CSPP1: variants seen among roughly 807,000 people sequenced by gnomAD.
CSPP1 encodes centrosome and spindle pole associated protein 1.
In CSPP1, 126 loss-of-function variants were observed where a neutral mutation model predicts 164.4. That is an observed-to-expected ratio of 0.77 (90% CI 0.66 to 0.89). CSPP1 has a LOEUF of 0.89. CSPP1 is among the 40% of genes least tolerant of loss of function. The pLI is 0.00. For missense variants in CSPP1, 1,395 were observed against 1,449.8 expected (o/e 0.96, Z 0.61); for synonymous variants, 472 against 476.7 (o/e 0.99, Z 0.13).
rs575429967 is a variant in CSPP1, at chr8:67,081,920, T to C, written c.200-4087T>C. On this transcript the variant is annotated intron_variant, in intron 3 of 30. Coordinates refer to ENST00000678616, the MANE Select transcript of CSPP1 (RefSeq NM_001382391.1). ...CCACCATGCCTAATTTTTAAATTTT[T>C]TGTAGAGATAGAGTCTTGGTATGTT... Among the ~76,000 whole-genome samples, 6 of 152,352 alleles carry C rather than the reference T, an allele frequency of 3.9e-5. No individual in the cohort carries two copies. The South Asian group carries it at 1.2e-3, about 32-fold the overall frequency.
Position 67,190,712 on chromosome 8 carries a change from C to T in CSPP1, c.3283C>T (p.Pro1095Ser). 6.2e-7 allele frequency: 1 copy of T among 1,614,114 alleles called. No homozygotes were observed. The highest frequency in any genetic ancestry group is 8.5e-7 in the Non-Finnish European group (1 of 1,179,992). ...CGTCCTCCCTCCACCATCACAGTTG[C>T]CCTCTGCACGGGAGCGCAGGAGGAA... The part of the protein sequence containing the change: ...DDVLPPPSQL[P>S]SARERRRNKW... The change falls in exon 29 of 31, where the codon CCC (proline) becomes TCC (serine). Residue 1095 changes from proline to serine, a missense_variant. Transcript: ENST00000678616.
chr8:67,088,069 A>G (rs1810769923), intron 4 of CSPP1, among the ~76,000 whole-genome samples: 1 of 152,146 alleles, frequency 6.6e-6, no homozygotes, highest in Non-Finnish European at 1.5e-5. Flanking sequence ...CCCTGGGCTT[A>G]TACCTCATTA....
intron 7 of CSPP1, among the ~76,000 whole-genome samples, chr8:67,099,078 C>T (rs938619884): frequency 6.6e-6 from 1 of 151,142 alleles, no homozygotes; most frequent in African/African-American, 2.4e-5. Flanking sequence ...GTTGTTGACT[C>T]TTGTCTTCAA....
intron 26 of CSPP1, among the ~76,000 whole-genome samples, chr8:67,176,311 A>C (rs1427425550): frequency 6.6e-6 from 1 of 152,160 alleles, no homozygotes; most frequent in African/African-American, 2.4e-5. Context: ...TTAAGACCCT[A>C]TCTTGGGAGG....
At chr8:67,191,332 T>C (rs1328119619) in intron 29 of CSPP1, among the ~76,000 whole-genome samples, 1 of 152,230 alleles carries the variant, frequency 6.6e-6, no homozygotes, top group African/African-American at 2.4e-5. Flanking sequence ...GACGTGAAGA[T>C]GCAGTTATAT....
At chr8:67,128,468 G>A (rs1820537502) in intron 15 of CSPP1, among the ~76,000 whole-genome samples, 1 of 151,530 alleles carries the variant, frequency 6.6e-6, no homozygotes, top group Admixed American at 6.6e-5. Context: ...GAACCTGAAA[G>A]GCAGAGGTTG....
intron 1 of CSPP1, among the ~76,000 whole-genome samples, chr8:67,067,964 C>T (rs551825997): frequency 9.3e-4 from 142 of 151,946 alleles, no homozygotes; most frequent in African/African-American, 3.2e-3. Context: ...ATTCTCCTGC[C>T]TCAGCCTCCT....
intron 28 of CSPP1, among the ~76,000 whole-genome samples, chr8:67,187,186 C>G (rs1260411669): frequency 6.6e-6 from 1 of 152,162 alleles, no homozygotes; most frequent in African/African-American, 2.4e-5. Flanking sequence ...ATAAAAATCC[C>G]AGCAAGTTAT....
rs773425466 is a variant in CSPP1, at chr8:67,064,402, C to G, written c.-147C>G. On this transcript the variant is annotated 5_prime_UTR_variant, in exon 1 of 31. Coordinates refer to ENST00000678616, the MANE Select transcript of CSPP1 (RefSeq NM_001382391.1). ...AGCCCCGGCCCGGAGGTCTGTCATG[C>G]TGTTCCCGCTCCAGGTGGCCGCTGT... is the stretch of plus-strand genomic sequence containing the variant. 1.2e-6 allele frequency: 2 copies of G among 1,613,448 alleles called. No homozygotes were observed. Among genetic ancestry groups the G allele is most frequent in the South Asian group, 1.1e-5 (1 of 91,034 alleles).
chr8:67,193,815 G>C (rs904610191), intron 30 of CSPP1, among the ~76,000 whole-genome samples: 2 of 152,220 alleles, frequency 1.3e-5, no homozygotes, highest in Admixed American at 6.5e-5. Context: ...GCCCATTTTA[G>C]AGTGGAGTCT....
At chr8:67,115,758 A>T (rs1817809575) in intron 12 of CSPP1, among the ~76,000 whole-genome samples, 156 bp from the exon 13 acceptor site, 1 of 152,182 alleles carries the variant, frequency 6.6e-6, no homozygotes, top group South Asian at 2.1e-4. Flanking sequence ...GTAAATAAAT[A>T]AATAAAAATA....
At chr8:67,176,124 T>C (rs1831566123) in intron 26 of CSPP1, among the ~76,000 whole-genome samples, 1 of 152,094 alleles carries the variant, frequency 6.6e-6, no homozygotes, top group African/African-American at 2.4e-5. Context: ...TGGGGCTAGT[T>C]GTCTCAGAGA....
chr8:67,064,632 C>T, intron 1 of CSPP1, 94 bp downstream of exon 1: 2 of 987,044 alleles, frequency 2.0e-6, no homozygotes, highest in Non-Finnish European at 2.6e-6. Context: ...TCCCTCGGGG[C>T]GTAGGTCTCG....
chr8:67,121,535 G>A (rs1001273202), intron 15 of CSPP1, among the ~76,000 whole-genome samples: 1 of 152,106 alleles, frequency 6.6e-6, no homozygotes, highest in Non-Finnish European at 1.5e-5. Flanking sequence ...TAGTCATGGT[G>A]TATAATCATT....
At position 67,070,756 on chromosome 8, in the gene CSPP1, G is replaced by GT. The variant is rs1260917805; in HGVS notation, c.-10-3478dup. On this transcript the variant is annotated intron_variant, in intron 1 of 30. Coordinates refer to ENST00000678616, the MANE Select transcript of CSPP1 (RefSeq NM_001382391.1). ...ATATATATATATTTCTATTTTTAGT[G>GT]TTTTTTTTTGAGATGGGGTCTTGCT... 1.7e-3 allele frequency among the ~76,000 whole-genome samples: 253 copies of GT among 147,984 alleles called. 1 individual carries two copies. Among genetic ancestry groups the GT allele is most frequent in the South Asian group, 2.6e-3 (12 of 4,672 alleles).
chr8:67,074,655 C>A lies in CSPP1; in HGVS notation c.99+304C>A, dbSNP rs6983995. Among the ~76,000 whole-genome samples the A allele has an allele frequency of 0.035, 5,278 of 152,042 alleles. 288 individuals are homozygous for A. The highest frequency in any genetic ancestry group is 0.12 in the African/African-American group (4,946 of 41,444). ...AACATAAACAGAATAGTTGTAAAAGCAAGTTTATAGTCTATGTGAAAAAAT... is the reference window on the plus strand; with the variant it reads ...AACATAAACAGAATAGTTGTAAAAGAAAGTTTATAGTCTATGTGAAAAAAT... On this transcript the variant is annotated intron_variant, in intron 2 of 30. Coordinates refer to ENST00000678616, the MANE Select transcript of CSPP1 (RefSeq NM_001382391.1).
intron 5 of CSPP1, 25 bp from the exon 6 acceptor site, chr8:67,093,518 A>G (rs367686664): frequency 2.1e-6 from 3 of 1,458,788 alleles, no homozygotes; most frequent in African/African-American, 1.4e-5. Context: ...GAATTTTAAC[A>G]TTGCCTTTTG....
At chr8:67,068,711 A>C (rs1204980643) in intron 1 of CSPP1, among the ~76,000 whole-genome samples, 1 of 152,240 alleles carries the variant, frequency 6.6e-6, no homozygotes, top group East Asian at 1.9e-4. Flanking sequence ...GTATTGCTAG[A>C]AACTAGCCTG....
chr8:67,134,987 A>T lies in CSPP1; in HGVS notation c.1828-2469A>T, dbSNP rs561680930. The T allele has an allele frequency of 2.6e-5, 4 of 152,222 alleles. No individual in the cohort carries two copies. The South Asian group carries it at 8.3e-4, about 32-fold the overall frequency. 9.4% of individuals were successfully genotyped at this position (152,222 alleles called of 1,614,324 possible). A position where few individuals can be genotyped will look rare whatever the true frequency, so the allele number is the denominator to read the frequency against. ...GTCAGCCTGTCCTTTGAAGCTTGAA[A>T]CCAGACATTGACTTCTCTTTACTAG... On this transcript the variant is annotated intron_variant, in intron 16 of 30. Coordinates refer to ENST00000678616, the MANE Select transcript of CSPP1 (RefSeq NM_001382391.1).
Sources: allele counts gnomAD v4.1 joint callset (sites outside exome capture counted in the v4.1 genomes callset), GRCh38; gene constraint gnomAD v4.1.1; transcripts MANE v1.5; gene names NCBI Gene and HGNC (gene_info 2026-07-23, HGNC 2026-07-21).